The following TRHDE variants were observed in gnomAD, a reference collection of about 807,000 sequenced individuals.
TRHDE encodes the protein thyrotropin-releasing hormone-degrading ectoenzyme.
In TRHDE, 72 loss-of-function variants were observed where a neutral mutation model predicts 125.7. That is an observed-to-expected ratio of 0.57 (90% CI 0.47 to 0.70). The LOEUF is 0.70. TRHDE is among the 30% of genes least tolerant of loss of function. The probability of loss-of-function intolerance (pLI) is 0.00; values close to 1 mark genes in which losing one functional copy is unlikely to be tolerated. For synonymous variants in TRHDE, 509 were observed against 509.1 expected (o/e 1.00, Z 0.00); for missense variants, 1,110 against 1,327.1 (o/e 0.84, Z 2.54).
At chr12:72,430,474 T>C (rs534428042) in intron 3 of TRHDE, among the ~76,000 whole-genome samples, 2 of 149,324 alleles carry the variant, frequency 1.3e-5, no homozygotes, top group South Asian at 2.1e-4. Context: ...TATACACACA[T>C]ATATATATAC....
chr12:72,619,082 T>A, intron 13 of TRHDE, 44 bp downstream of exon 13: 1 of 1,384,418 alleles, frequency 7.2e-7, no homozygotes, highest in Non-Finnish European at 9.6e-7. Flanking sequence ...GAAGATACAC[T>A]ATTTTATTCT....
chr12:72,467,870 A>G (rs1217470717), intron 3 of TRHDE, among the ~76,000 whole-genome samples: 1 of 152,232 alleles, frequency 6.6e-6, no homozygotes, highest in African/African-American at 2.4e-5. Context: ...GATAATTTTT[A>G]AAGTCAGGAA....
At chr12:72,271,506 T>G (rs1221458009), upstream of TRHDE, among the ~76,000 whole-genome samples, 1 of 152,114 alleles carries the variant, frequency 6.6e-6, no homozygotes, top group Non-Finnish European at 1.5e-5. Flanking sequence ...TGCAGGCGGC[T>G]CAGCAACCCC....
chr12:72,634,212 T>A (rs1026657398), intron 15 of TRHDE, among the ~76,000 whole-genome samples: 1 of 152,044 alleles, frequency 6.6e-6, no homozygotes, highest in African/African-American at 2.4e-5. Context: ...TAAACAGCAT[T>A]AGGTTCTATT....
At chr12:72,168,021 G>C (rs192404586) in intron 2 of TRHDE, among the ~76,000 whole-genome samples, 1 of 152,220 alleles carries the variant, frequency 6.6e-6, no homozygotes, top group Admixed American at 6.5e-5. Flanking sequence ...AACAGAGAGA[G>C]GAGTATGGCT....
At chr12:72,117,983 A>T (rs980998510) in intron 2 of TRHDE, among the ~76,000 whole-genome samples, 2 of 151,350 alleles carry the variant, frequency 1.3e-5, no homozygotes, top group African/African-American at 4.9e-5. Context: ...GGAGTTTTTA[A>T]GTTTTTCCAA....
chr12:72,180,492 G>A (rs1194976120), intron 2 of TRHDE, among the ~76,000 whole-genome samples: 1 of 151,936 alleles, frequency 6.6e-6, no homozygotes, highest in Admixed American at 6.6e-5. Flanking sequence ...GTTCCACCAG[G>A]CCCTTTTTCT....
At chr12:72,244,254 CT>C (rs1198666745) in intron 2 of TRHDE, among the ~76,000 whole-genome samples, 2 of 152,154 alleles carry the variant, frequency 1.3e-5, no homozygotes, top group Non-Finnish European at 2.9e-5. Flanking sequence ...CACTGACATA[CT>C]TCATAACAGC....
intron 3 of TRHDE, among the ~76,000 whole-genome samples, chr12:72,448,827 T>G (rs542782721): frequency 6.6e-6 from 1 of 152,038 alleles, no homozygotes; most frequent in African/African-American, 2.4e-5. Flanking sequence ...GGAAATTTTT[T>G]ATTTTTACTT....
intron 2 of TRHDE, among the ~76,000 whole-genome samples, chr12:72,142,349 G>T (rs1333290306): frequency 6.6e-6 from 1 of 151,938 alleles, no homozygotes; most frequent in African/African-American, 2.4e-5. Flanking sequence ...CTCCACTTCT[G>T]CTCTGGAACG....
At chr12:72,343,933 A>C (rs1870197099) in intron 2 of TRHDE, among the ~76,000 whole-genome samples, 1 of 152,108 alleles carries the variant, frequency 6.6e-6, no homozygotes, top group South Asian at 2.1e-4. Context: ...TTGTCTGTCT[A>C]AACCAGTTTT....
chr12:72,528,434 T>A (rs1565779306), intron 6 of TRHDE, among the ~76,000 whole-genome samples: 1 of 152,256 alleles, frequency 6.6e-6, no homozygotes, highest in East Asian at 1.9e-4. Context: ...GTGTAGTTAT[T>A]CTACAGCCTG....
chr12:72,090,591 A>G (rs1874766683), intron 1 of TRHDE, among the ~76,000 whole-genome samples: 1 of 152,138 alleles, frequency 6.6e-6, no homozygotes, highest in African/African-American at 2.4e-5. Flanking sequence ...TGTACTGCCC[A>G]TTGCCTTAAA....
intron 2 of TRHDE, among the ~76,000 whole-genome samples, chr12:72,330,532 A>G (rs1319099007): frequency 6.6e-6 from 1 of 152,146 alleles, no homozygotes; most frequent in African/African-American, 2.4e-5. Flanking sequence ...GCCAGGGGTC[A>G]GCGGCTGGTA....
At chr12:72,519,758 T>G (rs1258650459) in intron 6 of TRHDE, among the ~76,000 whole-genome samples, 8 of 152,196 alleles carry the variant, frequency 5.3e-5, no homozygotes, top group African/African-American at 1.9e-4. Context: ...TTCTGTTTTT[T>G]CCCCATCTTT....
intron 2 of TRHDE, among the ~76,000 whole-genome samples, chr12:72,218,207 G>A (rs182175520): frequency 1.1e-3 from 166 of 152,152 alleles, no homozygotes; most frequent in Middle Eastern, 3.4e-3. Flanking sequence ...AGATTTTAAA[G>A]GGAAAATAAT....
intron 9 of TRHDE, 99 bp downstream of exon 9, chr12:72,563,139 T>A: frequency 1.1e-6 from 1 of 901,320 alleles, no homozygotes; most frequent in Non-Finnish European, 1.7e-6. Context: ...TGAAATATTG[T>A]AAGTGAAATA....
At chr12:72,241,701 A>G (rs1174727073) in intron 2 of TRHDE, among the ~76,000 whole-genome samples, 1 of 152,168 alleles carries the variant, frequency 6.6e-6, no homozygotes, top group African/African-American at 2.4e-5. Flanking sequence ...TGTATATTTA[A>G]CTTCATAAGA....
At chr12:72,625,055 T>C (rs1348822163) in intron 15 of TRHDE, among the ~76,000 whole-genome samples, 1 of 151,788 alleles carries the variant, frequency 6.6e-6, no homozygotes, top group Admixed American at 6.6e-5. Flanking sequence ...TAGGCCTAAG[T>C]CTCACTGAGT....
Sources: gnomAD v4.1 joint callset for allele counts (sites outside exome capture counted in the v4.1 genomes callset) on GRCh38, gnomAD v4.1.1 for gene constraint, MANE v1.5 for transcripts, NCBI Gene and HGNC (gene_info 2026-07-23, HGNC 2026-07-21) for gene names.